Variants in HERC3 observed in about 807,000 individuals in gnomAD.
The protein encoded by HERC3 is HECT and RLD domain containing E3 ubiquitin protein ligase 3, also known as probable E3 ubiquitin-protein ligase HERC3.
HERC3 carries 58 observed loss-of-function variants against 129.9 expected under a neutral mutation model. That is an observed-to-expected ratio of 0.45 (90% CI 0.36 to 0.56). HERC3 has a LOEUF of 0.56. HERC3 is among the 20% of genes least tolerant of loss of function. The pLI is 0.00. For missense variants in HERC3, 835 were observed against 1,244.2 expected (o/e 0.67, Z 4.95); for synonymous variants, 430 against 451.0 (o/e 0.95, Z 0.59).
At chr4:88,589,880 A>G (rs944026040), upstream of HERC3, among the ~76,000 whole-genome samples, 6 of 152,200 alleles carry the variant, frequency 3.9e-5, no homozygotes, top group African/African-American at 1.4e-4. Flanking sequence ...AGCTTACAGT[A>G]TCCTAACTTG....
At chr4:88,527,682 C>T in the HERC3 span, 6 of 304,492 alleles carry the variant, frequency 2.0e-5, no homozygotes, top group South Asian at 2.2e-4. Context: ...TGCTTGTCAT[C>T]GTGGTCTCCA....
the HERC3 span, among the ~76,000 whole-genome samples, chr4:88,555,142 G>A: frequency 2.0e-5 from 3 of 152,012 alleles, no homozygotes; most frequent in Non-Finnish European, 2.9e-5. Context: ...AAATTAGGTG[G>A]GCGTGGTGGT....
chr4:88,534,724 T>C, the HERC3 span, among the ~76,000 whole-genome samples: 1 of 152,204 alleles, frequency 6.6e-6, no homozygotes, highest in East Asian at 1.9e-4. Flanking sequence ...CTTTGAAATG[T>C]GTGATTCTAT....
At chr4:88,644,081 T>C (rs1231795185) in intron 3 of HERC3, among the ~76,000 whole-genome samples, 1 of 152,152 alleles carries the variant, frequency 6.6e-6, no homozygotes, top group Non-Finnish European at 1.5e-5. Flanking sequence ...CGTAATGAAA[T>C]ACCATTATAC....
At chr4:88,682,654 A>G (rs1560759099) in intron 21 of HERC3, among the ~76,000 whole-genome samples, 1 of 151,996 alleles carries the variant, frequency 6.6e-6, no homozygotes, top group Non-Finnish European at 1.5e-5. Context: ...ACATGAACTC[A>G]TCATTTTTTA....
chr4:88,558,003 G>A, the HERC3 span, among the ~76,000 whole-genome samples: 32 of 149,728 alleles, frequency 2.1e-4, no homozygotes, highest in South Asian at 1.9e-3. Flanking sequence ...CCCAGGAGGC[G>A]GAGGTTGCGG....
At chr4:88,609,316 AAAAT>A (rs1327589289) in intron 3 of HERC3, among the ~76,000 whole-genome samples, 3 of 152,124 alleles carry the variant, frequency 2.0e-5, no homozygotes, top group African/African-American at 7.2e-5. Context: ...AAAAAACCCC[AAAAT>A]AAATAAATAA....
the HERC3 span, among the ~76,000 whole-genome samples, chr4:88,549,316 T>TG: frequency 7.1e-6 from 1 of 140,348 alleles, no homozygotes; most frequent in Admixed American, 7.0e-5. Flanking sequence ...ACAGTAACTT[T>TG]TTTTAAAAAA....
chr4:88,687,160 T>C, intron 22 of HERC3, 57 bp from the exon 23 acceptor site: 3 of 1,363,398 alleles, frequency 2.2e-6, no homozygotes, highest in Non-Finnish European at 3.1e-6. Context: ...ATTTGAGTTC[T>C]AGAAAGATGA....
chr4:88,634,278 A>G (rs1176418157), intron 3 of HERC3, among the ~76,000 whole-genome samples: 2 of 152,186 alleles, frequency 1.3e-5, no homozygotes, highest in African/African-American at 2.4e-5. Context: ...GGTCCCAACC[A>G]TGGAGCCGTG....
intron 12 of HERC3, 114 bp downstream of exon 12, chr4:88,664,326 GTGA>G: frequency 2.5e-6 from 2 of 810,998 alleles, no homozygotes; most frequent in Non-Finnish European, 4.1e-6. Context: ...TTAGGATGCT[GTGA>G]TCATGCCTGT....
At chr4:88,704,722 G>A (rs1208171681) in intron 25 of HERC3, 112 bp downstream of exon 25, 2 of 682,064 alleles carry the variant, frequency 2.9e-6, no homozygotes, top group South Asian at 1.8e-5. Context: ...TAAAGACCAG[G>A]TAATTCACTA....
the HERC3 span, among the ~76,000 whole-genome samples, chr4:88,570,787 T>C: frequency 7.0e-6 from 1 of 142,376 alleles, no homozygotes; most frequent in South Asian, 2.3e-4. Context: ...TATTTATTTA[T>C]TTTGAGACTG....
At chr4:88,555,375 C>T in the HERC3 span, among the ~76,000 whole-genome samples, 89 of 151,804 alleles carry the variant, frequency 5.9e-4, no homozygotes, top group African/African-American at 2.1e-3. Context: ...TTTAATTAAC[C>T]GACAATTTAA....
intron 19 of HERC3, 72 bp downstream of exon 19, chr4:88,678,206 T>C: frequency 7.3e-7 from 1 of 1,361,954 alleles, no homozygotes; most frequent in South Asian, 1.2e-5. Context: ...TAAGCAGCAG[T>C]GATCTTATTA....
intron 23 of HERC3, among the ~76,000 whole-genome samples, chr4:88,695,737 T>TG (rs1309131474): frequency 2.6e-5 from 4 of 152,192 alleles, no homozygotes; most frequent in Non-Finnish European, 4.4e-5. Flanking sequence ...GATTTATATG[T>TG]ATTAATCCAT....
the HERC3 span, among the ~76,000 whole-genome samples, chr4:88,525,152 T>C: frequency 7.9e-5 from 12 of 152,178 alleles, no homozygotes; most frequent in African/African-American, 2.9e-4. Flanking sequence ...TAAGAGATAA[T>C]GAAAGTCTCT....
chr4:88,690,717 A>G, intron 23 of HERC3: 2 of 616,610 alleles, frequency 3.2e-6, no homozygotes, highest in Non-Finnish European at 4.1e-6. Context: ...TATTTCTCTT[A>G]GCATATTTTT....
At chr4:88,583,336 TA>T in the HERC3 span, among the ~76,000 whole-genome samples, 1 of 151,382 alleles carries the variant, frequency 6.6e-6, no homozygotes, top group Non-Finnish European at 1.5e-5. Flanking sequence ...CTTGTGAGGC[TA>T]AGACAGGAGA....
Sources: gnomAD v4.1 joint callset for allele counts (sites outside exome capture counted in the v4.1 genomes callset) on GRCh38, gnomAD v4.1.1 for gene constraint, MANE v1.5 for transcripts, NCBI Gene and HGNC (gene_info 2026-07-23, HGNC 2026-07-21) for gene names.